Variants in GRIN3A observed in about 807,000 individuals in gnomAD.
GRIN3A encodes the protein glutamate receptor ionotropic, NMDA 3A.
In GRIN3A, 47 loss-of-function variants were observed where a neutral mutation model predicts 92.4. That is an observed-to-expected ratio of 0.51 (90% CI 0.40 to 0.65). The LOEUF (loss-of-function observed/expected upper bound fraction) is 0.65. Among genes scored for constraint, GRIN3A ranks in the 30% least tolerant of loss-of-function variants. The pLI is 0.00. For synonymous variants in GRIN3A, 527 were observed against 540.6 expected (o/e 0.97, Z 0.35); for missense variants, 1,324 against 1,393.1 (o/e 0.95, Z 0.79).
At chr9:101,652,366 G>A (rs1414347395) in intron 3 of GRIN3A, among the ~76,000 whole-genome samples, 1 of 151,984 alleles carries the variant, frequency 6.6e-6, no homozygotes, top group Non-Finnish European at 1.5e-5. Flanking sequence ...GGCATGGGCA[G>A]TTCTCATGTG....
chr9:101,604,311 G>A (rs1318188847), intron 6 of GRIN3A, among the ~76,000 whole-genome samples: 2 of 152,220 alleles, frequency 1.3e-5, no homozygotes, highest in African/African-American at 4.8e-5. Context: ...AATTGTTCTT[G>A]TAGCAAGACA....
chr9:101,722,372 A>G (rs1184291764), intron 1 of GRIN3A, among the ~76,000 whole-genome samples: 1 of 152,240 alleles, frequency 6.6e-6, no homozygotes, highest in African/African-American at 2.4e-5. Flanking sequence ...CTGCTAGGGC[A>G]GTGCAGAAGG....
In GRIN3A at chr9:101,737,296, A is replaced by T; in HGVS notation, c.684T>A (p.Phe228Leu). ...CTCCTCTCACCTGACTCTCCCGTGG[A>T]AACTCGTGGCGCACGATGCTGATCA... ...IPVISIVRHE[F>L]PRESQNPLHL... The change falls in exon 1 of 9, where the codon TTT (phenylalanine) becomes TTA (leucine). Residue 228 changes from phenylalanine (F) to leucine (L), a missense_variant. By Grantham distance (22) the Phe-to-Leu change is conservative. Transcript: ENST00000361820. 1 of 1,614,148 alleles carries T rather than the reference A, an allele frequency of 6.2e-7. No individual in the cohort carries two copies. Among genetic ancestry groups the T allele is most frequent in the Non-Finnish European group, 8.5e-7 (1 of 1,180,012 alleles).
At chr9:101,631,420 GA>G (rs1309387182) in intron 3 of GRIN3A, among the ~76,000 whole-genome samples, 1 of 152,150 alleles carries the variant, frequency 6.6e-6, no homozygotes, top group Non-Finnish European at 1.5e-5. Context: ...CTCTCATATA[GA>G]AACAGAATTC....
At chr9:101,668,208 A>G (rs1295017295) in intron 3 of GRIN3A, among the ~76,000 whole-genome samples, 1 of 150,018 alleles carries the variant, frequency 6.7e-6, no homozygotes, top group Non-Finnish European at 1.5e-5. Context: ...TTTTATTTTT[A>G]ATACTTTAGC....
At chr9:101,609,657 C>T (rs544675051) in intron 6 of GRIN3A, among the ~76,000 whole-genome samples, 12 of 152,222 alleles carry the variant, frequency 7.9e-5, no homozygotes, top group African/African-American at 2.6e-4. Context: ...GTTCTGAGTC[C>T]GCAGAGCTGT....
chr9:101,677,149 T>C (rs1829408028), intron 2 of GRIN3A, among the ~76,000 whole-genome samples: 1 of 152,056 alleles, frequency 6.6e-6, no homozygotes, highest in African/African-American at 2.4e-5. Context: ...TTATCTGAAT[T>C]ATTTACTATA....
chr9:101,714,157 A>T (rs1471761418), intron 1 of GRIN3A, among the ~76,000 whole-genome samples: 1 of 152,200 alleles, frequency 6.6e-6, no homozygotes, highest in Non-Finnish European at 1.5e-5. Context: ...AAAACGATTT[A>T]CTTTAGAAGC....
Position 101,737,435 on chromosome 9 carries a change from T to G in GRIN3A, c.545A>C (p.Gln182Pro). The G allele has an allele frequency of 6.2e-7, 1 of 1,614,250 alleles. No homozygotes were observed. The highest frequency in any genetic ancestry group is 8.5e-7 in the Non-Finnish European group (1 of 1,180,036). ...PWSSDPFSFL[Q>P]SVCHTVVVQG... ...CACCACCACGGTATGGCACACACTTTGCAGGAAGGAGAAAGGGTCACTGCT... is the reference window on the plus strand; with the variant it reads ...CACCACCACGGTATGGCACACACTTGGCAGGAAGGAGAAAGGGTCACTGCT... Residue 182 changes from glutamine (Q) to proline (P), a missense_variant, in exon 1 of 9, where the codon CAA becomes CCA. By Grantham distance (76) the Gln-to-Pro change is moderately conservative. Transcript: ENST00000361820.
chr9:101,618,174 C>A (rs920269002), intron 5 of GRIN3A, among the ~76,000 whole-genome samples: 2 of 150,400 alleles, frequency 1.3e-5, no homozygotes, highest in Non-Finnish European at 2.9e-5. Flanking sequence ...CAACAAAAGA[C>A]AAAATTGACA....
chr9:101,736,716 T>C (rs764430039), intron 1 of GRIN3A, among the ~76,000 whole-genome samples: 1 of 152,226 alleles, frequency 6.6e-6, no homozygotes, highest in Non-Finnish European at 1.5e-5. Flanking sequence ...CTGTACTAGG[T>C]GCAGATTTTC....
intron 6 of GRIN3A, among the ~76,000 whole-genome samples, chr9:101,586,193 A>C (rs1379601915): frequency 2.6e-5 from 4 of 152,132 alleles, no homozygotes; most frequent in Non-Finnish European, 5.9e-5. Context: ...GATACAATCT[A>C]TCTCTCTTAC....
rs752778285 is a variant in GRIN3A at position 101,594,737 on chromosome 9, A to G, written c.2767-15377T>C. 1.1e-5 allele frequency: 18 copies of G among 1,614,150 alleles called. No homozygotes were observed. In the Admixed American group the frequency reaches 3.0e-4, roughly 27 times the overall value. ...CACTTCTCCATCACCGTCGGTGTCG[A>G]AGACGTCGATCACTCGCCGCACCAA... On this transcript the variant is annotated intron_variant, in intron 6 of 8. Transcript: ENST00000361820.
chr9:101,584,586 T>G (rs1827927708), intron 6 of GRIN3A, among the ~76,000 whole-genome samples: 1 of 152,384 alleles, frequency 6.6e-6, no homozygotes, highest in East Asian at 1.9e-4. Context: ...TTAGGGAAAC[T>G]GCTTGAGATT....
chr9:101,708,968 T>C (rs890836619), intron 1 of GRIN3A, among the ~76,000 whole-genome samples: 3 of 152,222 alleles, frequency 2.0e-5, no homozygotes, highest in African/African-American at 4.8e-5. Flanking sequence ...TCAGAAACCT[T>C]TGGAAAGGAT....
chr9:101,673,562 T>G (rs1458999379), intron 2 of GRIN3A, among the ~76,000 whole-genome samples: 2 of 152,154 alleles, frequency 1.3e-5, no homozygotes, highest in Admixed American at 6.6e-5. Flanking sequence ...AAAGCTTTAA[T>G]TATAGTCACC....
In GRIN3A at chr9:101,628,393, A is replaced by G. The variant is rs761681927; in HGVS notation, c.2361T>C (p.His787=). 25 of 1,613,664 alleles carry G rather than the reference A, an allele frequency of 1.5e-5. 1 individual carries two copies. Among genetic ancestry groups the G allele is most frequent in the Non-Finnish European group, 2.1e-5 (25 of 1,179,756 alleles). Residue 787 remains histidine (H), a synonymous_variant, in exon 4 of 9, where the codon CAT becomes CAC. Transcript: ENST00000361820. ...TTCCAAAGCGGAATCCTTGGGAAGGATGATGTAACTATGAGGGAGAAAAAG... is the reference window on the plus strand; with the variant it reads ...TTCCAAAGCGGAATCCTTGGGAAGGGTGATGTAACTATGAGGGAGAAAAAG... ...LSGIHDPKLH[H]PSQGFRFGTV... is the part of the protein sequence containing the mutation.
At chr9:101,593,027 C>T (rs1301960465) in intron 6 of GRIN3A, 8 of 152,334 alleles carry the variant, frequency 5.3e-5, no homozygotes, top group African/African-American at 1.9e-4. Context: ...CTTCTGAGGA[C>T]AGTTCATGCT....
At chr9:101,603,402 A>G (rs1170297393) in intron 6 of GRIN3A, among the ~76,000 whole-genome samples, 1 of 152,226 alleles carries the variant, frequency 6.6e-6, no homozygotes, top group Non-Finnish European at 1.5e-5. Flanking sequence ...CTCATTAAAT[A>G]TATTTCACAC....
Sources: allele counts gnomAD v4.1 joint callset (sites outside exome capture counted in the v4.1 genomes callset), GRCh38; gene constraint gnomAD v4.1.1; transcripts MANE v1.5; gene names NCBI Gene and HGNC (gene_info 2026-07-23, HGNC 2026-07-21).